The following TBCA variants were observed in gnomAD, a reference collection of about 807,000 sequenced individuals.
The protein encoded by TBCA is tubulin folding cofactor A, also known as tubulin-specific chaperone A.
Under a neutral mutation model 15.8 loss-of-function variants are expected in TBCA, and 6 were observed. That is an observed-to-expected ratio of 0.38 (90% CI 0.21 to 0.75). The LOEUF (loss-of-function observed/expected upper bound fraction) is 0.75. TBCA is among the 30% of genes least tolerant of loss of function. The probability of loss-of-function intolerance (pLI) is 0.46; values close to 1 mark genes in which losing one functional copy is unlikely to be tolerated. For synonymous variants in TBCA, 32 were observed against 42.3 expected, an observed-to-expected ratio of 0.76 and a Z score of 0.94; for missense variants, 90 against 131.2, an observed-to-expected ratio of 0.69 and a Z score of 1.53.
chr5:77,714,454 A>G (rs369660941), intron 1 of TBCA, among the ~76,000 whole-genome samples: 2 of 152,348 alleles, frequency 1.3e-5, no homozygotes, highest in African/African-American at 4.8e-5. Context: ...TCAGAAGAAG[A>G]TGGTGCAATC....
chr5:77,750,902 C>T (rs1391989725), intron 1 of TBCA, among the ~76,000 whole-genome samples: 1 of 151,982 alleles, frequency 6.6e-6, no homozygotes, highest in African/African-American at 2.4e-5. Context: ...TCCAGGTCAT[C>T]GGTAGATTTA....
At chr5:77,760,561 T>C (rs1747594594) in intron 1 of TBCA, among the ~76,000 whole-genome samples, 1 of 152,190 alleles carries the variant, frequency 6.6e-6, no homozygotes, top group Non-Finnish European at 1.5e-5. Flanking sequence ...TGCCTAGGAT[T>C]ACAGGCACGC....
At chr5:77,714,575 A>ATTT (rs146736386) in intron 1 of TBCA, among the ~76,000 whole-genome samples, 6,268 of 148,986 alleles carry the variant, frequency 0.042, 171 homozygotes, top group South Asian at 0.13. Context: ...TATTATTATT[A>ATTT]TTTTTTTTTG....
intron 1 of TBCA, among the ~76,000 whole-genome samples, chr5:77,755,488 T>C (rs1002805294): frequency 1.2e-4 from 18 of 151,626 alleles, no homozygotes; most frequent in Non-Finnish European, 2.4e-4. Context: ...TGAGGCAGAA[T>C]TGCTTGAACC....
intron 1 of TBCA, among the ~76,000 whole-genome samples, chr5:77,738,740 G>A (rs1357026817): frequency 1.3e-5 from 2 of 152,034 alleles, no homozygotes; most frequent in African/African-American, 2.4e-5. Flanking sequence ...CTGCCACCAC[G>A]CCTGGCTAAT....
intron 1 of TBCA, among the ~76,000 whole-genome samples, chr5:77,765,881 C>CAAAAAAAAA (rs70997944): frequency 7.7e-6 from 1 of 130,412 alleles, no homozygotes; most frequent in African/African-American, 3.0e-5. Context: ...AAACTAGGGC[C>CAAAAAAAAA]AAAAAAAAAA....
intron 1 of TBCA, among the ~76,000 whole-genome samples, chr5:77,716,976 G>A (rs1746412109): frequency 1.3e-5 from 2 of 152,152 alleles, no homozygotes; most frequent in Non-Finnish European, 2.9e-5. Flanking sequence ...TGGGGGTTCT[G>A]AGAAGGTTGC....
chr5:77,696,074 G>T, intron 2 of TBCA, among the ~76,000 whole-genome samples: 1 of 152,178 alleles, frequency 6.6e-6, no homozygotes, highest in East Asian at 1.9e-4. Context: ...TCAGAAAGAA[G>T]AGTTCTGTGA....
intron 1 of TBCA, among the ~76,000 whole-genome samples, chr5:77,741,502 C>CACCT (rs1294097099): frequency 6.6e-6 from 1 of 152,016 alleles, no homozygotes; most frequent in Non-Finnish European, 1.5e-5. Flanking sequence ...ATACAAAGAG[C>CACCT]ACCTGATCCT....
intron 1 of TBCA, among the ~76,000 whole-genome samples, chr5:77,726,488 T>C (rs1444612880): frequency 2.6e-5 from 4 of 152,196 alleles, no homozygotes; most frequent in African/African-American, 9.6e-5. Context: ...TAACACATGC[T>C]TCAGAGAGTA....
chr5:77,694,964 C>G (rs1034660469), intron 2 of TBCA, among the ~76,000 whole-genome samples: 1 of 152,092 alleles, frequency 6.6e-6, no homozygotes, highest in Non-Finnish European at 1.5e-5. Flanking sequence ...TTAACCACTG[C>G]CATTAAATTA....
chr5:77,771,411 CTT>C (rs1747911209), intron 1 of TBCA, among the ~76,000 whole-genome samples: 1 of 152,188 alleles, frequency 6.6e-6, no homozygotes, highest in East Asian at 1.9e-4. Flanking sequence ...TATCTAGACT[CTT>C]TCTTTATTCC....
At chr5:77,774,560 G>T (rs1441529352) in intron 1 of TBCA, among the ~76,000 whole-genome samples, 1 of 152,150 alleles carries the variant, frequency 6.6e-6, no homozygotes, top group African/African-American at 2.4e-5. Context: ...CTGCCAATTG[G>T]AAAACCTCCT....
chr5:77,713,933 A>G (rs929201616), intron 1 of TBCA, among the ~76,000 whole-genome samples: 3 of 152,004 alleles, frequency 2.0e-5, no homozygotes, highest in Non-Finnish European at 4.4e-5. Flanking sequence ...AAATTTCCCA[A>G]AGCTGGAAAA....
chr5:77,727,377 G>C (rs1300299614), intron 1 of TBCA, among the ~76,000 whole-genome samples: 2 of 151,980 alleles, frequency 1.3e-5, no homozygotes, highest in East Asian at 3.9e-4. Context: ...CAACATTGTA[G>C]AGTGGAAACT....
chr5:77,715,184 T>C, intron 1 of TBCA: 1 of 692,068 alleles, frequency 1.4e-6, no homozygotes. Flanking sequence ...GATCTATTTT[T>C]AGTTACATAA....
chr5:77,692,830 C>T (rs1021219712), intron 3 of TBCA: 4 of 1,074,624 alleles, frequency 3.7e-6, no homozygotes, highest in Non-Finnish European at 4.5e-6. Flanking sequence ...TTTTTTCCCC[C>T]TCTCAAACTG....
chr5:77,763,946 G>A (rs374313074), intron 1 of TBCA, among the ~76,000 whole-genome samples: 113 of 152,194 alleles, frequency 7.4e-4, no homozygotes, highest in African/African-American at 2.5e-3. Flanking sequence ...AATGTACATA[G>A]AAACACAGTT....
chr5:77,734,783 G>A (rs1410051631), intron 1 of TBCA, among the ~76,000 whole-genome samples: 5 of 152,116 alleles, frequency 3.3e-5, no homozygotes, highest in African/African-American at 1.2e-4. Flanking sequence ...CAGACAAATC[G>A]TTCATGAAAG....
Sources: allele counts gnomAD v4.1 joint callset (sites outside exome capture counted in the v4.1 genomes callset), GRCh38; gene constraint gnomAD v4.1.1; transcripts MANE v1.5; gene names NCBI Gene and HGNC (gene_info 2026-07-23, HGNC 2026-07-21).